Variants in SOX6 observed in about 807,000 individuals in gnomAD.
SOX6 encodes transcription factor SOX-6.
A neutral mutation model predicts 97.8 loss-of-function variants in SOX6; 11 were observed. The observed-to-expected ratio is 0.11, with a 90% confidence interval of 0.07 to 0.19. The LOEUF is 0.19. Ranked by LOEUF, SOX6 falls within the 10% of genes least tolerant of loss-of-function variation. The pLI is 1.00. For missense variants in SOX6, 810 were observed against 1,039.5 expected, an observed-to-expected ratio of 0.78 and a Z score of 3.04; for synonymous variants, 360 against 371.4, an observed-to-expected ratio of 0.97 and a Z score of 0.35.
In SOX6 at chr11:16,056,099, T is replaced by C. The variant is rs1037138685; in HGVS notation, c.1102-198A>G. On this transcript the variant is annotated intron_variant, in intron 9 of 15. Coordinates refer to ENST00000683767, the MANE Select transcript of SOX6 (RefSeq NM_001367873.1). Reference sequence around the variant, plus strand: ...ACAGGTATGGGAGCCATAGTTCTGTTTCTGGTCCTTCTAGCAACAACTTTA... The same window carrying C: ...ACAGGTATGGGAGCCATAGTTCTGTCTCTGGTCCTTCTAGCAACAACTTTA... 8.6e-5 allele frequency among the ~76,000 whole-genome samples: 13 copies of C among 151,984 alleles called. 1 individual carries two copies. Among genetic ancestry groups the C allele is most frequent in the Admixed American group, 7.9e-4 (12 of 15,256 alleles).
intron 6 of SOX6, among the ~76,000 whole-genome samples, chr11:16,115,555 T>C (rs748283374): frequency 2.0e-4 from 31 of 152,154 alleles, no homozygotes; most frequent in Non-Finnish European, 3.8e-4. Context: ...GGGCTGCTGG[T>C]CCAGGGGTCA....
intron 4 of SOX6, among the ~76,000 whole-genome samples, chr11:16,199,198 T>C (rs1851867670): frequency 2.6e-5 from 4 of 152,186 alleles, no homozygotes; most frequent in Non-Finnish European, 5.9e-5. Context: ...GTAACCATTG[T>C]AACTAACTGA....
chr11:16,305,170 T>C (rs924846344), intron 3 of SOX6, among the ~76,000 whole-genome samples: 20 of 152,150 alleles, frequency 1.3e-4, no homozygotes, highest in African/African-American at 4.6e-4. Context: ...ACCATGTATC[T>C]ATCATAGGAC....
intron 13 of SOX6, among the ~76,000 whole-genome samples, chr11:16,008,343 A>C (rs965084182): frequency 6.6e-6 from 1 of 152,140 alleles, no homozygotes; most frequent in Non-Finnish European, 1.5e-5. Flanking sequence ...TGACATAGAC[A>C]GTTATTTCTT....
chr11:16,121,160 A>T (rs1849480881), intron 6 of SOX6, among the ~76,000 whole-genome samples: 1 of 152,088 alleles, frequency 6.6e-6, no homozygotes, highest in African/African-American at 2.4e-5. Flanking sequence ...TATGTAGTCA[A>T]AAGTAATTAC....
In SOX6 at chr11:16,292,629, T is replaced by G. The variant is rs145371490; in HGVS notation, c.445+25817A>C. Among the ~76,000 whole-genome samples, 34 of 152,148 alleles carry G rather than the reference T, an allele frequency of 2.2e-4. No homozygotes were observed. The East Asian group carries it at 3.3e-3, about 15-fold the overall frequency. ...TAGGATTAATGTCAGAAGAAAGAAA[T>G]AAAACTCAACATATGTCCAAGCCTG... On this transcript the variant is annotated intron_variant, in intron 3 of 15. Transcript: ENST00000683767.
At chr11:16,158,865 G>C (rs950080987) in intron 6 of SOX6, among the ~76,000 whole-genome samples, 1 of 145,912 alleles carries the variant, frequency 6.9e-6, no homozygotes, top group Non-Finnish European at 1.5e-5. Context: ...TGAAGTTACA[G>C]GTGTGTGTGT....
At chr11:16,371,756 T>G (rs1857499518) in intron 1 of SOX6, among the ~76,000 whole-genome samples, 1 of 152,190 alleles carries the variant, frequency 6.6e-6, no homozygotes, top group South Asian at 2.1e-4. Flanking sequence ...TATTATAGTA[T>G]TACTACACCA....
At chr11:16,374,075 T>A (rs1305135491) in intron 1 of SOX6, among the ~76,000 whole-genome samples, 1 of 152,060 alleles carries the variant, frequency 6.6e-6, no homozygotes, top group East Asian at 1.9e-4. Flanking sequence ...GCAGATATTA[T>A]CTCAAAATAT....
intron 4 of SOX6, among the ~76,000 whole-genome samples, chr11:16,568,152 A>C (rs949960782): frequency 6.6e-6 from 1 of 152,192 alleles, no homozygotes; most frequent in Non-Finnish European, 1.5e-5. Context: ...TTTCTTGTAT[A>C]GGCTTGGGTC....
chr11:16,051,024 G>A (rs1354839007), intron 10 of SOX6, among the ~76,000 whole-genome samples: 1 of 151,928 alleles, frequency 6.6e-6, no homozygotes, highest in Non-Finnish European at 1.5e-5. Context: ...CCTTGCTGGG[G>A]CTCAATTTCT....
intron 1 of SOX6, among the ~76,000 whole-genome samples, chr11:16,370,492 T>C (rs1463137347): frequency 6.6e-6 from 1 of 152,138 alleles, no homozygotes; most frequent in Non-Finnish European, 1.5e-5. Flanking sequence ...AGTTATAAAA[T>C]AGGTCTTTAA....
intron 4 of SOX6, among the ~76,000 whole-genome samples, chr11:16,561,895 A>T (rs76271369): frequency 1.3e-5 from 2 of 149,358 alleles, no homozygotes; most frequent in Admixed American, 6.7e-5. Context: ...CACCTGGCTA[A>T]TTTTTTTTTT....
intron 9 of SOX6, among the ~76,000 whole-genome samples, chr11:16,092,756 C>T (rs1160218785): frequency 6.6e-6 from 1 of 151,534 alleles, no homozygotes; most frequent in Non-Finnish European, 1.5e-5. Context: ...ACACTACTCC[C>T]CATTAAAAAC....
At chr11:16,241,747 A>G (rs1853201403) in intron 3 of SOX6, among the ~76,000 whole-genome samples, 1 of 152,012 alleles carries the variant, frequency 6.6e-6, no homozygotes, top group South Asian at 2.1e-4. Context: ...TCAGGTTGGA[A>G]GCTATATGCA....
chr11:16,048,225 G>C (rs1388434082), intron 11 of SOX6, among the ~76,000 whole-genome samples: 1 of 152,032 alleles, frequency 6.6e-6, no homozygotes, highest in Non-Finnish European at 1.5e-5. Flanking sequence ...CAAAAATCCG[G>C]CCAAGGGGCA....
upstream of SOX6, among the ~76,000 whole-genome samples, chr11:16,480,798 T>A (rs145881329): frequency 1.8e-4 from 27 of 152,244 alleles, no homozygotes; most frequent in East Asian, 4.8e-3. Context: ...CTGTAACAAA[T>A]TTTGTCCACT....
At chr11:16,621,096 C>T (rs781547331) in intron 3 of SOX6, among the ~76,000 whole-genome samples, 1 of 152,100 alleles carries the variant, frequency 6.6e-6, no homozygotes, top group Non-Finnish European at 1.5e-5. Flanking sequence ...TATTTGTAAA[C>T]TTACATAAGA....
chr11:16,463,793 A>G (rs1859978425), intron 1 of SOX6, among the ~76,000 whole-genome samples: 1 of 152,236 alleles, frequency 6.6e-6, no homozygotes, highest in East Asian at 1.9e-4. Context: ...ATATATAATC[A>G]TAACTTCAAC....
Sources: allele counts gnomAD v4.1 joint callset (sites outside exome capture counted in the v4.1 genomes callset), GRCh38; gene constraint gnomAD v4.1.1; transcripts MANE v1.5; gene names NCBI Gene and HGNC (gene_info 2026-07-23, HGNC 2026-07-21).